The following C1QB variants were observed in gnomAD, a reference collection of about 807,000 sequenced individuals.
C1QB encodes complement C1q B chain, also known as complement C1q subcomponent subunit B.
Under a neutral mutation model 4.6 loss-of-function variants are expected in C1QB, and 2 were observed. The observed-to-expected ratio is 0.43, with a 90% confidence interval of 0.18 to 1.36. C1QB has a LOEUF of 1.36. Among genes scored for constraint, C1QB ranks in the 40% most tolerant of loss-of-function variants. The pLI, the probability that C1QB is intolerant of heterozygous loss-of-function variation, is 0.28. For missense variants in C1QB, 292 were observed against 338.0 expected (o/e 0.86, Z 1.07); for synonymous variants, 132 against 137.1 (o/e 0.96, Z 0.26).
intron 1 of C1QB, chr1:22,654,145 C>T (rs985705489): frequency 2.6e-5 from 4 of 152,268 alleles, no homozygotes; most frequent in African/African-American, 9.7e-5. Flanking sequence ...ACTGCTGGAC[C>T]GAAGGAGATG....
chr1:22,658,238 GT>G (rs1419899550), intron 1 of C1QB, among the ~76,000 whole-genome samples: 4 of 152,178 alleles, frequency 2.6e-5, no homozygotes, highest in African/African-American at 9.7e-5. Context: ...GCTCCCCTCT[GT>G]CATACTGGCC....
chr1:22,653,762 A>C (rs1023368623), intron 1 of C1QB, among the ~76,000 whole-genome samples: 5 of 152,298 alleles, frequency 3.3e-5, no homozygotes, highest in African/African-American at 1.2e-4. Flanking sequence ...GTGGGATTAT[A>C]AGCCAGTCGC....
rs758374021 is a variant in C1QB, at chr1:22,661,360, C to T, written c.730C>T (p.Leu244=). ...EGANSIFSGF[L]LFPDMEA is the part of the protein sequence containing the mutation. ...TGCCAACAGCATCTTTTCCGGGTTC[C>T]TGCTCTTTCCAGATATGGAGGCCTG... is the stretch of plus-strand genomic sequence containing the variant. Residue 244 remains leucine, a synonymous_variant, in exon 3 of 3, where the codon CTG becomes TTG. Coordinates refer to ENST00000509305, the MANE Select transcript of C1QB (RefSeq NM_001378156.1). 3 of 1,614,058 alleles carry T rather than the reference C, an allele frequency of 1.9e-6. 1 individual carries two copies. Among genetic ancestry groups the T allele is most frequent in the East Asian group, 4.5e-5 (2 of 44,860 alleles).
In C1QB at chr1:22,660,010, A is replaced by G. The variant is rs527958675; in HGVS notation, c.181+367A>G. Among the ~76,000 whole-genome samples the G allele has an allele frequency of 6.6e-5, 10 of 152,330 alleles. No individual in the cohort carries two copies. In the East Asian group the frequency reaches 1.9e-3, roughly 29 times the overall value. On this transcript the variant is annotated intron_variant, in intron 2 of 2. Coordinates refer to ENST00000509305, the MANE Select transcript of C1QB (RefSeq NM_001378156.1). ...TCTGAATTGCTATTTCCTCACCTGT[A>G]AGATGGGGGCAATGGTACTTTTTTG...
chr1:22,659,996 A>G (rs747711078), intron 2 of C1QB, among the ~76,000 whole-genome samples: 2 of 152,102 alleles, frequency 1.3e-5, no homozygotes, highest in Admixed American at 6.5e-5. Flanking sequence ...CTGAATTGCT[A>G]TTTCCTCACC....
chr1:22,655,127 A>T (rs1184497063), intron 1 of C1QB, among the ~76,000 whole-genome samples: 1 of 152,212 alleles, frequency 6.6e-6, no homozygotes, highest in Non-Finnish European at 1.5e-5. Flanking sequence ...GGATAATGGC[A>T]TGCAAGCCAT....
chr1:22,661,071 GAAC>G lies in C1QB; in HGVS notation c.447_449del (p.Asn150del). The G allele has an allele frequency of 1.2e-6, 2 of 1,614,048 alleles. No homozygotes were observed. Among genetic ancestry groups the G allele is most frequent in the Non-Finnish European group, 1.7e-6 (2 of 1,180,006 alleles). On this transcript the variant is annotated inframe_deletion, in exon 3 of 3. Coordinates refer to ENST00000509305, the MANE Select transcript of C1QB (RefSeq NM_001378156.1). ...GCTTCGACCACGTGATCACCAACAT[GAAC>G]AACAATTATGAGCCCCGCAGTGGCA... is the stretch of plus-strand genomic sequence containing the variant.
chr1:22,659,999 T>C (rs1642596558), intron 2 of C1QB, among the ~76,000 whole-genome samples: 1 of 152,226 alleles, frequency 6.6e-6, no homozygotes, highest in Non-Finnish European at 1.5e-5. Flanking sequence ...AATTGCTATT[T>C]CCTCACCTGT....
intron 2 of C1QB, 60 bp from the exon 3 acceptor site, chr1:22,660,752 A>G: frequency 2.6e-6 from 4 of 1,541,546 alleles, no homozygotes; most frequent in Non-Finnish European, 2.7e-6. Flanking sequence ...CCAAGGTTCC[A>G]GCGCAGGCCT....
chr1:22,657,334 G>A (rs962506798), intron 1 of C1QB, among the ~76,000 whole-genome samples: 2 of 152,098 alleles, frequency 1.3e-5, no homozygotes, highest in Non-Finnish European at 2.9e-5. Context: ...CAGGAAAGAG[G>A]TAGAAGACCA....
In C1QB at chr1:22,659,560, C is replaced by T. The variant is rs1642589696; in HGVS notation, c.98C>T (p.Pro33Leu). 6.2e-7 allele frequency: 1 copy of T among 1,613,946 alleles called. No homozygotes were observed. The highest frequency in any genetic ancestry group is 8.5e-7 in the Non-Finnish European group (1 of 1,179,994). Residue 33 changes from proline to leucine, a missense_variant, in exon 2 of 3, where the codon CCA (proline) becomes CTA (leucine). Pro to Leu is a moderately conservative substitution (Grantham distance 98). Transcript: ENST00000509305. ...SQAQLSCTGP[P>L]AIPGIPGIPG... Reference sequence around the variant, plus strand: ...GCCCAGCTCAGCTGCACCGGGCCCCCAGCCATCCCTGGCATCCCGGGTATC... The same window carrying T: ...GCCCAGCTCAGCTGCACCGGGCCCCTAGCCATCCCTGGCATCCCGGGTATC...
intron 1 of C1QB, chr1:22,653,984 C>T (rs1642490850): frequency 6.6e-6 from 1 of 152,408 alleles, no homozygotes; most frequent in African/African-American, 2.4e-5. Flanking sequence ...TTCTAAGCGC[C>T]TTCTCCTGTC....
chr1:22,660,772 G>T, intron 2 of C1QB, 40 bp from the exon 3 acceptor site: 4 of 1,601,728 alleles, frequency 2.5e-6, no homozygotes, highest in Middle Eastern at 1.7e-4. Flanking sequence ...TCCTTCTTTT[G>T]GTCTCAGTGA....
chr1:22,660,754 C>A (rs536076360), intron 2 of C1QB, 58 bp from the exon 3 acceptor site: 2 of 1,554,132 alleles, frequency 1.3e-6, no homozygotes, highest in South Asian at 1.1e-5. Context: ...AAGGTTCCAG[C>A]GCAGGCCTCC....
Position 22,660,961 on chromosome 1 carries a change from T to G in C1QB, c.331T>G (p.Ser111Ala). Residue 111 changes from serine (S) to alanine (A), a missense_variant, in exon 3 of 3, where the codon TCG (serine) becomes GCG (alanine). Coordinates refer to ENST00000509305, the MANE Select transcript of C1QB (RefSeq NM_001378156.1). The stretch of plus-strand genomic sequence containing the variant: ...TGGAGCCCCAGGCCCCAAAGGTGAA[T>G]CGGGAGACTACAAGGCCACCCAGAA... ...APGAPGPKGE[S>A]GDYKATQKIA... The G allele has an allele frequency of 6.2e-7, 1 of 1,613,606 alleles. No individual in the cohort carries two copies.
rs549589123 is a variant in C1QB, at chr1:22,659,052, T to TGGAA, written c.-23-385_-23-384insAGGA. ...ATAGAGAGACAGATGGATGGATGGA[T>TGGAA]GGATGGATGGATGGATGGATGGATG... On this transcript the variant is annotated intron_variant, in intron 1 of 2. Transcript: ENST00000509305. Among the ~76,000 whole-genome samples the TGGAA allele has an allele frequency of 5.1e-3, 691 of 134,866 alleles. 3 individuals carry two copies. Among genetic ancestry groups the TGGAA allele is most frequent in the South Asian group, 0.013 (52 of 4,074 alleles). 88.5% of individuals were successfully genotyped at this position (134,866 alleles called of 152,430 possible).
At chr1:22,653,826 G>A (rs1188316255) in intron 1 of C1QB, among the ~76,000 whole-genome samples, 1 of 152,206 alleles carries the variant, frequency 6.6e-6, no homozygotes, top group Admixed American at 6.5e-5. Flanking sequence ...CATACTCGCT[G>A]AGAAAGCTCA....
chr1:22,654,945 G>A (rs192217733), intron 1 of C1QB, among the ~76,000 whole-genome samples: 11 of 152,284 alleles, frequency 7.2e-5, no homozygotes, highest in African/African-American at 2.6e-4. Context: ...AGGTACAGTG[G>A]CCTCTTAACA....
At chr1:22,654,050 G>A (rs1381936600) in intron 1 of C1QB, 1 of 152,290 alleles carries the variant, frequency 6.6e-6, no homozygotes, top group African/African-American at 2.4e-5. Flanking sequence ...GCTCAGAGAG[G>A]TTAAGGCACT....
Sources: allele counts gnomAD v4.1 joint callset (sites outside exome capture counted in the v4.1 genomes callset), GRCh38; gene constraint gnomAD v4.1.1; transcripts MANE v1.5; gene names NCBI Gene and HGNC (gene_info 2026-07-23, HGNC 2026-07-21).